Variants in DOCK3 observed in about 807,000 individuals in gnomAD.
DOCK3 encodes dedicator of cytokinesis protein 3.
In DOCK3, 60 loss-of-function variants were observed where a neutral mutation model predicts 265.6. That is an observed-to-expected ratio of 0.23 (90% CI 0.18 to 0.28). DOCK3 has a LOEUF of 0.28. Ranked by LOEUF, DOCK3 falls within the 10% of genes least tolerant of loss-of-function variation. The probability of loss-of-function intolerance (pLI) is 1.00; values close to 1 mark genes in which losing one functional copy is unlikely to be tolerated. For missense variants in DOCK3, 1,981 were observed against 2,594.3 expected (o/e 0.76, Z 5.14); for synonymous variants, 881 against 938.0 (o/e 0.94, Z 1.11).
chr3:50,840,678 G>A (rs765727609), intron 2 of DOCK3, among the ~76,000 whole-genome samples: 1 of 152,182 alleles, frequency 6.6e-6, no homozygotes, highest in African/African-American at 2.4e-5. Context: ...CACACCTCAT[G>A]ATGTCATTTT....
chr3:51,221,747 G>A (rs1247831686), intron 14 of DOCK3, among the ~76,000 whole-genome samples: 1 of 152,198 alleles, frequency 6.6e-6, no homozygotes, highest in Non-Finnish European at 1.5e-5. Flanking sequence ...AAGATGCCCT[G>A]CCAACCTTAG....
At chr3:51,249,005 C>G (rs1464041431) in intron 22 of DOCK3, among the ~76,000 whole-genome samples, 2 of 142,670 alleles carry the variant, frequency 1.4e-5, no homozygotes, top group African/African-American at 5.1e-5. Context: ...GCAGCCGCCC[C>G]GTCTGAGAAG....
At chr3:51,039,830 A>T (rs905544004) in intron 5 of DOCK3, among the ~76,000 whole-genome samples, 2 of 148,642 alleles carry the variant, frequency 1.3e-5, no homozygotes, top group Non-Finnish European at 1.5e-5. Context: ...AGAAATTCTG[A>T]ATAGAAATGT....
At chr3:51,278,526 C>T (rs1220747129) in intron 26 of DOCK3, 2 of 985,234 alleles carry the variant, frequency 2.0e-6, no homozygotes, top group African/African-American at 3.5e-5. Context: ...ACTCAGGGAG[C>T]AGGTATGTGT....
chr3:51,333,395 G>A, intron 35 of DOCK3, 142 bp downstream of exon 35: 1 of 844,344 alleles, frequency 1.2e-6, no homozygotes, highest in Non-Finnish European at 1.9e-6. Flanking sequence ...CCAGTCAATA[G>A]GAATCTGCTG....
At chr3:50,905,111 A>G (rs1185677701) in intron 4 of DOCK3, among the ~76,000 whole-genome samples, 1 of 151,952 alleles carries the variant, frequency 6.6e-6, no homozygotes. Flanking sequence ...GTTCTGTTCC[A>G]TTGGTCTATA....
chr3:50,745,430 T>C (rs1467061782), intron 1 of DOCK3, among the ~76,000 whole-genome samples: 1 of 152,220 alleles, frequency 6.6e-6, no homozygotes, highest in Non-Finnish European at 1.5e-5. Flanking sequence ...TTCCAATCCA[T>C]GAATATGGAA....
At chr3:50,782,451 C>T (rs944949701) in intron 2 of DOCK3, among the ~76,000 whole-genome samples, 6 of 150,870 alleles carry the variant, frequency 4.0e-5, no homozygotes, top group East Asian at 1.9e-4. Context: ...CTACCACGCC[C>T]GGCTAATTTT....
At chr3:51,080,938 A>T (rs953338533) in intron 7 of DOCK3, among the ~76,000 whole-genome samples, 34 of 148,870 alleles carry the variant, frequency 2.3e-4, no homozygotes, top group Non-Finnish European at 4.5e-5. Flanking sequence ...AACCTGTTTT[A>T]TATGTGAATT....
At chr3:50,882,832 G>A (rs2048118560) in intron 3 of DOCK3, among the ~76,000 whole-genome samples, 1 of 152,184 alleles carries the variant, frequency 6.6e-6, no homozygotes, top group South Asian at 2.1e-4. Context: ...GTTTATTGCA[G>A]CACTATTCAC....
intron 1 of DOCK3, among the ~76,000 whole-genome samples, chr3:50,692,402 GA>G (rs2035310544): frequency 6.6e-6 from 1 of 152,090 alleles, no homozygotes; most frequent in African/African-American, 2.4e-5. Context: ...TTCTCATAAG[GA>G]GCGTGCAACC....
chr3:51,220,709 G>GTGTGTGTGTATATATA (rs1208536854), intron 14 of DOCK3, among the ~76,000 whole-genome samples: 21 of 132,378 alleles, frequency 1.6e-4, no homozygotes, highest in African/African-American at 6.0e-4. Context: ...GTGTGTGTGT[G>GTGTGTGTGTATATATA]TATATATATA....
At chr3:50,684,157 T>C (rs1176531975) in intron 1 of DOCK3, among the ~76,000 whole-genome samples, 1 of 152,144 alleles carries the variant, frequency 6.6e-6, no homozygotes, top group Admixed American at 6.6e-5. Context: ...CTTTCCCTAC[T>C]CTGCCTGATA....
intron 10 of DOCK3, among the ~76,000 whole-genome samples, chr3:51,153,028 T>C (rs911297475): frequency 6.6e-6 from 1 of 152,232 alleles, no homozygotes; most frequent in African/African-American, 2.4e-5. Context: ...CACTGCTCTC[T>C]TCAGTGCTGT....
At chr3:51,106,527 C>T (rs1432775658) in intron 9 of DOCK3, among the ~76,000 whole-genome samples, 1 of 152,238 alleles carries the variant, frequency 6.6e-6, no homozygotes, top group Non-Finnish European at 1.5e-5. Context: ...CTTGCCCTTG[C>T]TTCCCCCTGC....
chr3:51,330,832 G>A (rs571944696), intron 33 of DOCK3, among the ~76,000 whole-genome samples: 7 of 152,332 alleles, frequency 4.6e-5, no homozygotes, highest in Non-Finnish European at 7.3e-5. Context: ...CAAGTAGATA[G>A]TGATGTTGCT....
rs2043731282 is a variant in DOCK3 at position 50,811,157 on chromosome 3, G to A, written c.122-30518G>A. 2.0e-5 allele frequency among the ~76,000 whole-genome samples: 3 copies of A among 152,164 alleles called. No homozygotes were observed. In the South Asian group the frequency reaches 6.2e-4, roughly 31 times the overall value. ...GCTTGTAATCCTCAGTGGAGGCTGA[G>A]GTAGGAGGATCACTTGAGGCCAGGA... On this transcript the variant is annotated intron_variant, in intron 2 of 52. Transcript: ENST00000266037.
At chr3:50,769,901 A>C (rs964449431) in intron 1 of DOCK3, among the ~76,000 whole-genome samples, 4 of 152,038 alleles carry the variant, frequency 2.6e-5, no homozygotes, top group African/African-American at 9.7e-5. Flanking sequence ...AGAAAGTCAA[A>C]TTGTCCCTCT....
At chr3:50,791,167 A>G (rs574450041) in intron 2 of DOCK3, among the ~76,000 whole-genome samples, 1 of 151,578 alleles carries the variant, frequency 6.6e-6, no homozygotes, top group African/African-American at 2.4e-5. Context: ...TGCCTTTGTC[A>G]TGAAATCTTT....
Sources: gnomAD v4.1 joint callset for allele counts (sites outside exome capture counted in the v4.1 genomes callset) on GRCh38, gnomAD v4.1.1 for gene constraint, MANE v1.5 for transcripts, NCBI Gene and HGNC (gene_info 2026-07-23, HGNC 2026-07-21) for gene names.